Variants in RAP2C observed in about 807,000 individuals in gnomAD.
RAP2C encodes RAP2C, member of RAS oncogene family, also known as ras-related protein Rap-2c.
RAP2C carries 3 observed loss-of-function variants against 8.9 expected under a neutral mutation model. The ratio of observed to expected loss-of-function variants is 0.34; its 90% CI spans 0.15 to 0.87. RAP2C has a LOEUF of 0.87. RAP2C is among the 40% of genes least tolerant of loss of function. RAP2C has a pLI of 0.51. For missense variants in RAP2C, 76 were observed against 133.7 expected (o/e 0.57, Z 2.13); for synonymous variants, 60 against 52.1 (o/e 1.15, Z -0.65).
Position 132,203,812 on chromosome X carries a change from AT to A in RAP2C, c.*1809del, listed in dbSNP as rs1930194993. ...AAGGAACAATGTTTCAATTGCCTCT[AT>A]CTTTACAATCTCACCATAAAATTCA... On this transcript the variant is annotated 3_prime_UTR_variant, in exon 6 of 6. Transcript: ENST00000370874. 8.9e-6 allele frequency: 1 copy of A among 112,171 alleles called. No homozygotes were observed. The highest frequency in any genetic ancestry group is 1.9e-5 in the Non-Finnish European group (1 of 53,101). The allele number at this position is 112,171 out of a possible 1,213,427, so 9.2% of individuals were successfully genotyped here. A position where few individuals can be genotyped will look rare whatever the true frequency, so the allele number is the denominator to read the frequency against.
At chrX:132,209,868 C>T (rs1295273826) in intron 5 of RAP2C, among the ~76,000 whole-genome samples, 6 of 111,950 alleles carry the variant, frequency 5.4e-5, no homozygotes, top group Non-Finnish European at 9.4e-5. Flanking sequence ...TCTCAAGTCT[C>T]AAACCATGAA....
chrX:132,216,821 T>C (rs1930610613), intron 4 of RAP2C, among the ~76,000 whole-genome samples, 175 bp downstream of exon 4: 1 of 112,263 alleles, frequency 8.9e-6, no homozygotes, highest in Non-Finnish European at 1.9e-5. Flanking sequence ...TACTTTTTAC[T>C]ACGCTCTATA....
intron 5 of RAP2C, among the ~76,000 whole-genome samples, chrX:132,206,941 T>C: frequency 8.9e-6 from 1 of 112,194 alleles, no homozygotes; most frequent in Non-Finnish European, 1.9e-5. Context: ...GAAAAAGGGA[T>C]AAAAATACTT....
At chrX:132,213,986 G>T (rs777124217) in intron 5 of RAP2C, 148 bp downstream of exon 5, 6 of 457,119 alleles carry the variant, frequency 1.3e-5, no homozygotes, top group Non-Finnish European at 2.0e-5. Flanking sequence ...TTCATTGAAT[G>T]TTGACTATTT....
chrX:132,206,060 A>G (rs1440844892), intron 5 of RAP2C, among the ~76,000 whole-genome samples: 1 of 111,362 alleles, frequency 9.0e-6, no homozygotes, highest in Non-Finnish European at 1.9e-5. Flanking sequence ...TTTTTGAGAG[A>G]TTAAAATAAG....
Position 132,203,292 on chromosome X carries a change from A to C in RAP2C, c.*2330T>G, listed in dbSNP as rs1340913017. On this transcript the variant is annotated 3_prime_UTR_variant, in exon 6 of 6. Coordinates refer to ENST00000370874, the MANE Select transcript of RAP2C (RefSeq NM_001271186.2). Reference sequence around the variant, plus strand: ...TGAACAACTCCTAAATAGATGCCATAATAAAGACAAGACATATATTGCATT... The same window carrying C: ...TGAACAACTCCTAAATAGATGCCATCATAAAGACAAGACATATATTGCATT... 8.9e-6 allele frequency: 1 copy of C among 112,111 alleles called. No homozygotes were observed. The highest frequency in any genetic ancestry group is 1.9e-5 in the Non-Finnish European group (1 of 53,152). 9.2% of individuals were successfully genotyped at this position (112,111 alleles called of 1,213,427 possible).
At chrX:132,206,006 T>C (rs890888717) in intron 5 of RAP2C, among the ~76,000 whole-genome samples, 5 of 111,811 alleles carry the variant, frequency 4.5e-5, no homozygotes, top group Non-Finnish European at 9.4e-5. Context: ...TGCATGTTAA[T>C]TATGAGTTAA....
In RAP2C at chrX:132,217,511, G is replaced by C. The variant is rs1930653443; in HGVS notation, c.-243C>G. The C allele has an allele frequency of 3.7e-6, 1 of 271,214 alleles. No individual in the cohort carries two copies. Among genetic ancestry groups the C allele is most frequent in the East Asian group, 5.3e-5 (1 of 18,961 alleles). The allele number at this position is 271,214 out of a possible 1,213,427, so 22.4% of individuals were successfully genotyped here. ...CCTATAGGAACTGCAGCCCGAGCAG[G>C]GGGCGTGGGGAGGAGGGCGAGCCTG... On this transcript the variant is annotated 5_prime_UTR_variant, in exon 4 of 6. Transcript: ENST00000370874.
intron 5 of RAP2C, among the ~76,000 whole-genome samples, chrX:132,211,061 C>G (rs1441673516): frequency 9.1e-6 from 1 of 110,093 alleles, no homozygotes; most frequent in Non-Finnish European, 1.9e-5. Flanking sequence ...ATTTTTGTCC[C>G]CAGGGGGCAT....
chrX:132,214,500 T>C, intron 4 of RAP2C, 54 bp from the exon 5 acceptor site: 1 of 1,136,202 alleles, frequency 8.8e-7, no homozygotes, highest in African/African-American at 1.8e-5. Context: ...TGTATAACCA[T>C]AACAGAAATA....
intron 4 of RAP2C, among the ~76,000 whole-genome samples, chrX:132,214,918 A>C (rs73638567): frequency 0.021 from 2,328 of 111,581 alleles, 62 homozygotes; most frequent in African/African-American, 0.073. Context: ...GGGAAAAAAA[A>C]CCACTTTGTA....
At chrX:132,216,516 A>C (rs1195661441) in intron 4 of RAP2C, among the ~76,000 whole-genome samples, 1 of 84,669 alleles carries the variant, frequency 1.2e-5, no homozygotes, top group Non-Finnish European at 2.2e-5. Context: ...AACTTGAGAG[A>C]GAAGGGGAGG....
intron 5 of RAP2C, among the ~76,000 whole-genome samples, chrX:132,211,406 C>A (rs1930425468): frequency 8.9e-6 from 1 of 111,803 alleles, no homozygotes; most frequent in Admixed American, 9.5e-5. Flanking sequence ...GAAACCAGAA[C>A]AGGGTGACAA....
At position 132,217,331 on chromosome X, in the gene RAP2C, G is replaced by A; in HGVS notation, c.-63C>T. 1.0e-6 allele frequency: 1 copy of A among 1,000,957 alleles called. No homozygotes were observed. Among genetic ancestry groups the A allele is most frequent in the Non-Finnish European group, 1.3e-6 (1 of 764,081 alleles). 82.5% of individuals were successfully genotyped at this position (1,000,957 alleles called of 1,213,427 possible). ...AAGATCACCCCGCTAGCTGTGGCGC[G>A]GCTAGACGAGGCGGAAGGTGGGCGG... is the stretch of plus-strand genomic sequence containing the variant. On this transcript the variant is annotated 5_prime_UTR_variant, in exon 4 of 6. Transcript: ENST00000370874.
rs10617253 is a variant in RAP2C at position 132,203,506 on chromosome X, TGAGAGA to T, written c.*2110_*2115del. On this transcript the variant is annotated 3_prime_UTR_variant, in exon 6 of 6. Transcript: ENST00000370874. ...TCAATGACAATGAACACTGTAATTT[TGAGAGA>T]GAGAGAGAGAGAGAGAGAGAGAGAG... 0.078 allele frequency: 4,672 copies of T among 60,109 alleles called. 213 individuals carry two copies. Among genetic ancestry groups the T allele is most frequent in the South Asian group, 0.11 (89 of 791 alleles). The allele number at this position is 60,109 out of a possible 1,213,427, so 5.0% of individuals were successfully genotyped here.
At chrX:132,207,239 T>A (rs1930299737) in intron 5 of RAP2C, among the ~76,000 whole-genome samples, 1 of 111,966 alleles carries the variant, frequency 8.9e-6, no homozygotes, top group Admixed American at 9.5e-5. Context: ...ATCAAACAAT[T>A]ATAAAGAGGT....
At chrX:132,208,189 C>T (rs1930326010) in intron 5 of RAP2C, among the ~76,000 whole-genome samples, 1 of 111,433 alleles carries the variant, frequency 9.0e-6, no homozygotes, top group Non-Finnish European at 1.9e-5. Context: ...AAGACTAGCA[C>T]ATCATTTCAC....
chrX:132,206,216 A>C (rs1930272397), intron 5 of RAP2C, among the ~76,000 whole-genome samples: 1 of 111,503 alleles, frequency 9.0e-6, no homozygotes, highest in Admixed American at 9.5e-5. Context: ...GGGAGGAAGG[A>C]AGGAAGGAAA....
At chrX:132,214,051 G>A (rs1250854799) in intron 5 of RAP2C, 83 bp downstream of exon 5, 1 of 753,378 alleles carries the variant, frequency 1.3e-6, no homozygotes, top group Non-Finnish European at 1.9e-6. Flanking sequence ...AGTGCCATAT[G>A]TATTAACACT....
Sources: gnomAD v4.1 joint callset for allele counts (sites outside exome capture counted in the v4.1 genomes callset) on GRCh38, gnomAD v4.1.1 for gene constraint, MANE v1.5 for transcripts, NCBI Gene and HGNC (gene_info 2026-07-23, HGNC 2026-07-21) for gene names.